The following IPCEF1 variants were observed in gnomAD, a reference collection of about 807,000 sequenced individuals.
IPCEF1 encodes interactor protein for cytohesin exchange factors 1.
IPCEF1 carries 31 observed loss-of-function variants against 50.9 expected under a neutral mutation model. The ratio of observed to expected loss-of-function variants is 0.61; its 90% CI spans 0.46 to 0.82. The LOEUF (loss-of-function observed/expected upper bound fraction) is 0.82. IPCEF1 is among the 40% of genes least tolerant of loss of function. IPCEF1 has a pLI of 0.00. For missense variants in IPCEF1, 458 were observed against 514.0 expected (o/e 0.89, Z 1.05); for synonymous variants, 181 against 192.0 (o/e 0.94, Z 0.47).
chr6:154,310,733 A>T (rs1783057271), intron 1 of IPCEF1, among the ~76,000 whole-genome samples: 1 of 152,216 alleles, frequency 6.6e-6, no homozygotes, highest in African/African-American at 2.4e-5. Flanking sequence ...ATTATGCTAC[A>T]TGAAAGAAGC....
intron 6 of IPCEF1, among the ~76,000 whole-genome samples, chr6:154,222,655 T>A (rs1468475647): frequency 6.6e-6 from 1 of 151,916 alleles, no homozygotes; most frequent in Non-Finnish European, 1.5e-5. Flanking sequence ...GAGCTGGTAA[T>A]TTTTTTTGGT....
intron 3 of IPCEF1, among the ~76,000 whole-genome samples, chr6:154,254,482 C>T (rs1045443565): frequency 6.6e-6 from 1 of 152,312 alleles, no homozygotes; most frequent in Admixed American, 6.5e-5. Context: ...ATGAGAACAG[C>T]ATGGTGGAAA....
At chr6:154,249,640 TGGG>T (rs796972500) in intron 3 of IPCEF1, among the ~76,000 whole-genome samples, 5 of 152,228 alleles carry the variant, frequency 3.3e-5, no homozygotes, top group African/African-American at 1.2e-4. Flanking sequence ...AGGGCAGCGA[TGGG>T]ATCAGCCAAG....
Position 154,228,991 on chromosome 6 carries a change from T to C in IPCEF1, c.247-5748A>G, listed in dbSNP as rs571237583. Among the ~76,000 whole-genome samples, 31 of 152,360 alleles carry C rather than the reference T, an allele frequency of 2.0e-4. 2 individuals carry two copies. Among genetic ancestry groups the C allele is most frequent in the South Asian group, 6.2e-4 (3 of 4,834 alleles). On this transcript the variant is annotated intron_variant, in intron 5 of 11. Coordinates refer to ENST00000367220, the MANE Select transcript of IPCEF1 (RefSeq NM_001130700.2). ...TAATGCCCTTCCTACCTCATTCCCCTAGATAAGTTTCCAGGATTCAACTTA... is the reference window on the plus strand; with the variant it reads ...TAATGCCCTTCCTACCTCATTCCCCCAGATAAGTTTCCAGGATTCAACTTA...
chr6:154,158,985 A>G lies in IPCEF1; in HGVS notation c.*843T>C, dbSNP rs1390214664. ...GTCTTGTCAATATTGATCCTGGGAA[A>G]CCTGGATATAAATTCACACTATGTA... On this transcript the variant is annotated 3_prime_UTR_variant, in exon 12 of 12. Coordinates refer to ENST00000367220, the MANE Select transcript of IPCEF1 (RefSeq NM_001130700.2). 2.0e-5 allele frequency: 3 copies of G among 152,190 alleles called. No individual in the cohort carries two copies. The highest frequency in any genetic ancestry group is 7.2e-5 in the African/African-American group (3 of 41,440). 9.4% of individuals were successfully genotyped at this position (152,190 alleles called of 1,614,324 possible). A position where few individuals can be genotyped will look rare whatever the true frequency, so the allele number is the denominator to read the frequency against.
intron 1 of IPCEF1, among the ~76,000 whole-genome samples, chr6:154,340,290 G>T (rs931626018): frequency 4.0e-5 from 6 of 151,556 alleles, no homozygotes; most frequent in Non-Finnish European, 7.4e-5. Context: ...TTGCTCTGTC[G>T]CCCAGGCTGG....
chr6:154,249,933 G>T (rs192278584), intron 3 of IPCEF1, among the ~76,000 whole-genome samples: 1 of 151,588 alleles, frequency 6.6e-6, no homozygotes, highest in Non-Finnish European at 1.5e-5. Context: ...GTTTTTAAGT[G>T]GGGGAGGGAG....
chr6:154,294,733 T>A (rs1782596757), intron 1 of IPCEF1, among the ~76,000 whole-genome samples: 1 of 152,090 alleles, frequency 6.6e-6, no homozygotes, highest in Non-Finnish European at 1.5e-5. Flanking sequence ...ACCCTGCCCT[T>A]CTCACCCTTC....
At position 154,278,021 on chromosome 6, in the gene IPCEF1, G is replaced by T. The variant is rs989449924; in HGVS notation, c.-18+11692C>A. ...ACGTGCACCTTCCTCTCTCCCTCCT[G>T]CCCTAGATACCTTCATTTAACCTCA... On this transcript the variant is annotated intron_variant, in intron 2 of 11. Coordinates refer to ENST00000367220, the MANE Select transcript of IPCEF1 (RefSeq NM_001130700.2). Among the ~76,000 whole-genome samples the T allele has an allele frequency of 2.0e-5, 3 of 151,626 alleles. No homozygotes were observed. The South Asian group carries it at 6.3e-4, about 32-fold the overall frequency.
At chr6:154,241,234 CAAAA>C (rs11308882) in intron 5 of IPCEF1, among the ~76,000 whole-genome samples, 2 of 79,232 alleles carry the variant, frequency 2.5e-5, no homozygotes, top group Non-Finnish European at 5.0e-5. Flanking sequence ...GACTCCATCT[CAAAA>C]AAAAAAAAAA....
intron 11 of IPCEF1, among the ~76,000 whole-genome samples, chr6:154,164,981 G>C (rs1409142913): frequency 6.6e-6 from 1 of 152,104 alleles, no homozygotes; most frequent in Non-Finnish European, 1.5e-5. Flanking sequence ...TCCCAGTGCA[G>C]GGATTTTTCT....
At chr6:154,237,537 A>AT (rs1231349376) in intron 5 of IPCEF1, among the ~76,000 whole-genome samples, 3 of 152,152 alleles carry the variant, frequency 2.0e-5, no homozygotes, top group East Asian at 1.9e-4. Flanking sequence ...CATTCCTTTG[A>AT]TTTTTTAAAT....
At chr6:154,172,213 A>G (rs1198671119) in intron 10 of IPCEF1, among the ~76,000 whole-genome samples, 1 of 152,256 alleles carries the variant, frequency 6.6e-6, no homozygotes, top group Non-Finnish European at 1.5e-5. Context: ...TACAACTCCC[A>G]GTGAAATCAA....
intron 1 of IPCEF1, among the ~76,000 whole-genome samples, chr6:154,318,927 C>T (rs1345258225): frequency 2.0e-5 from 3 of 152,104 alleles, no homozygotes; most frequent in Non-Finnish European, 4.4e-5. Context: ...ACAAGGGGAA[C>T]TTTCAAGGAT....
At chr6:154,235,646 C>T (rs1780071880) in intron 5 of IPCEF1, among the ~76,000 whole-genome samples, 1 of 151,740 alleles carries the variant, frequency 6.6e-6, no homozygotes, top group Non-Finnish European at 1.5e-5. Flanking sequence ...ACTTCAGGAA[C>T]TTTCAAATCT....
rs1250891196 is a variant in IPCEF1, at chr6:154,155,876, T to TA, written c.*3951dup. On this transcript the variant is annotated 3_prime_UTR_variant, in exon 12 of 12. Transcript: ENST00000367220. The stretch of plus-strand genomic sequence containing the variant: ...GAATAGCACTTCTTTTCAAAAGACT[T>TA]AAAAATATTTTTTCTTTGAATCTGT... 2.0e-5 allele frequency: 3 copies of TA among 152,260 alleles called. No homozygotes were observed. Among genetic ancestry groups the TA allele is most frequent in the Non-Finnish European group, 4.4e-5 (3 of 68,040 alleles). The allele number at this position is 152,260 out of a possible 1,614,324, so 9.4% of individuals were successfully genotyped here. A position where few individuals can be genotyped will look rare whatever the true frequency, so the allele number is the denominator to read the frequency against.
intron 9 of IPCEF1, among the ~76,000 whole-genome samples, chr6:154,211,362 T>C (rs1435383014): frequency 1.3e-5 from 2 of 151,710 alleles, no homozygotes; most frequent in Non-Finnish European, 2.9e-5. Context: ...TGAGCCAAGA[T>C]TGTGCCACTG....
intron 1 of IPCEF1, among the ~76,000 whole-genome samples, chr6:154,333,243 G>T (rs1329375019): frequency 6.6e-6 from 1 of 151,784 alleles, no homozygotes; most frequent in Non-Finnish European, 1.5e-5. Context: ...GTCTGTGAGG[G>T]TGTTGCCAAA....
intron 7 of IPCEF1, among the ~76,000 whole-genome samples, chr6:154,219,418 C>T (rs979348754): frequency 1.3e-5 from 2 of 152,092 alleles, no homozygotes; most frequent in Admixed American, 6.6e-5. Flanking sequence ...TAAAGAAAAG[C>T]CAGGACAGCA....
Sources: allele counts gnomAD v4.1 joint callset (sites outside exome capture counted in the v4.1 genomes callset), GRCh38; gene constraint gnomAD v4.1.1; transcripts MANE v1.5; gene names NCBI Gene and HGNC (gene_info 2026-07-23, HGNC 2026-07-21).